Variants in NALF1 observed in about 807,000 individuals in gnomAD.
The protein encoded by NALF1 is family with sequence similarity 155 member A.
A neutral mutation model predicts 48.4 loss-of-function variants in NALF1; 3 were observed. The observed-to-expected ratio is 0.06, with a 90% CI of 0.03 to 0.16. The LOEUF (loss-of-function observed/expected upper bound fraction) is 0.16, where lower values mean the gene tolerates loss of function less well. Ranked by LOEUF, NALF1 falls within the 10% of genes least tolerant of loss-of-function variation. The probability of loss-of-function intolerance (pLI) is 1.00; values close to 1 mark genes in which losing one functional copy is unlikely to be tolerated. For synonymous variants in NALF1, 262 were observed against 245.7 expected (o/e 1.07, Z -0.62); for missense variants, 526 against 571.5 (o/e 0.92, Z 0.81).
At chr13:107,586,828 T>C (rs751683088) in intron 1 of NALF1, among the ~76,000 whole-genome samples, 2 of 151,724 alleles carry the variant, frequency 1.3e-5, no homozygotes, top group Non-Finnish European at 2.9e-5. Flanking sequence ...AAAAAATGGA[T>C]GAGCATTAAA....
At chr13:107,753,123 C>CCT (rs1051912526) in intron 1 of NALF1, among the ~76,000 whole-genome samples, 2 of 152,192 alleles carry the variant, frequency 1.3e-5, no homozygotes, top group African/African-American at 4.8e-5. Context: ...TCCCTGCTTT[C>CCT]CTCTCTAATG....
intron 1 of NALF1, among the ~76,000 whole-genome samples, chr13:107,697,984 A>G (rs938271864): frequency 6.6e-6 from 1 of 152,138 alleles, no homozygotes; most frequent in Non-Finnish European, 1.5e-5. Context: ...CATGCAACTG[A>G]ATTATATACA....
At chr13:107,496,194 G>C (rs1290476738) in intron 1 of NALF1, among the ~76,000 whole-genome samples, 3 of 152,076 alleles carry the variant, frequency 2.0e-5, no homozygotes, top group South Asian at 2.1e-4. Context: ...CCCTGAGAAA[G>C]AGCAATTTGA....
At chr13:107,533,501 G>T (rs866771445) in intron 1 of NALF1, among the ~76,000 whole-genome samples, 115 of 152,060 alleles carry the variant, frequency 7.6e-4, no homozygotes, top group African/African-American at 2.7e-3. Context: ...GAACATGCCT[G>T]CACCTTGATC....
At chr13:107,308,151 G>C (rs1881973629) in intron 1 of NALF1, among the ~76,000 whole-genome samples, 1 of 149,958 alleles carries the variant, frequency 6.7e-6, no homozygotes, top group South Asian at 2.1e-4. Flanking sequence ...GAAATCACTG[G>C]AAATCTCATT....
chr13:107,757,937 T>C (rs1229166511), intron 1 of NALF1, among the ~76,000 whole-genome samples: 5 of 152,188 alleles, frequency 3.3e-5, no homozygotes, highest in East Asian at 1.9e-4. Context: ...ATTTTGAACA[T>C]TATAAATTGT....
intron 1 of NALF1, among the ~76,000 whole-genome samples, chr13:107,767,773 A>G (rs986779907): frequency 2.0e-5 from 3 of 152,140 alleles, no homozygotes; most frequent in Non-Finnish European, 4.4e-5. Flanking sequence ...TGCCCTTTTT[A>G]TAACAGAATT....
intron 1 of NALF1, among the ~76,000 whole-genome samples, chr13:107,473,456 G>A (rs1375655103): frequency 2.0e-5 from 3 of 151,986 alleles, no homozygotes; most frequent in Admixed American, 6.6e-5. Context: ...AAAACGCAAG[G>A]TCAGCATTTT....
At chr13:107,705,149 G>A (rs1395377048) in intron 1 of NALF1, among the ~76,000 whole-genome samples, 1 of 152,122 alleles carries the variant, frequency 6.6e-6, no homozygotes, top group Non-Finnish European at 1.5e-5. Flanking sequence ...TACTTCCCAA[G>A]ACAGACAGAT....
At chr13:107,440,835 G>C (rs560815495) in intron 1 of NALF1, among the ~76,000 whole-genome samples, 1 of 152,084 alleles carries the variant, frequency 6.6e-6, no homozygotes, top group Admixed American at 6.5e-5. Flanking sequence ...TGTCCAAGGA[G>C]CTCCTTCAGA....
chr13:107,866,216 C>A lies in NALF1; in HGVS notation c.381G>T (p.Ser127=), dbSNP rs762728677. ...CCGGGGAGGGGGGCAGGGTGGGGGA[C>A]GAGGAGGCGGAGAGGAGTCTGTGTG... The part of the protein sequence containing the change: ...AQAHRLLSAS[S]SPTLPPSPGD... The change falls in exon 1 of 3, where the codon TCG becomes TCT. Residue 127 remains serine, a synonymous_variant. Transcript: ENST00000375915. The surrounding 1 kb of genome is among the most constrained non-coding windows in gnomAD (Gnocchi z 4.4). 1 of 1,596,532 alleles carries A rather than the reference C, an allele frequency of 6.3e-7. No homozygotes were observed. Among genetic ancestry groups the A allele is most frequent in the East Asian group, 2.2e-5 (1 of 44,684 alleles).
intron 1 of NALF1, among the ~76,000 whole-genome samples, chr13:107,614,795 G>A (rs935051183): frequency 2.1e-5 from 2 of 96,814 alleles, no homozygotes; most frequent in African/African-American, 8.0e-5. Flanking sequence ...TTCTTTTTTT[G>A]AAGACAGAGT....
In NALF1 at chr13:107,350,430, G is replaced by A. The variant is rs114606404; in HGVS notation, c.916-139675C>T. ...TATTCTTTTTAAGAGTTAACAAAAA[G>A]TAGTTCCTCACACAGCAATAAACCC... On this transcript the variant is annotated intron_variant, in intron 1 of 2. Coordinates refer to ENST00000375915, the MANE Select transcript of NALF1 (RefSeq NM_001080396.3). 2.0e-3 allele frequency among the ~76,000 whole-genome samples: 299 copies of A among 152,326 alleles called. 1 individual carries two copies. The highest frequency in any genetic ancestry group is 7.0e-3 in the African/African-American group (290 of 41,578).
At chr13:107,288,955 A>C (rs565087926) in intron 1 of NALF1, among the ~76,000 whole-genome samples, 260 of 152,232 alleles carry the variant, frequency 1.7e-3, no homozygotes, top group Admixed American at 2.7e-3. Flanking sequence ...TAGTAAGTCC[A>C]TCAGATAAGA....
intron 1 of NALF1, among the ~76,000 whole-genome samples, chr13:107,460,503 T>C (rs181805452): frequency 5.3e-5 from 8 of 152,376 alleles, no homozygotes; most frequent in Admixed American, 2.0e-4. Context: ...TTTTGTTCTA[T>C]AAAAGATGTT....
intron 1 of NALF1, among the ~76,000 whole-genome samples, chr13:107,811,652 T>G (rs1394874010): frequency 1.3e-5 from 2 of 152,216 alleles, no homozygotes; most frequent in African/African-American, 4.8e-5. Flanking sequence ...TCTGCTGCTA[T>G]AGCAGAATGC....
At chr13:107,340,219 C>A (rs1045216321) in intron 1 of NALF1, among the ~76,000 whole-genome samples, 8 of 150,356 alleles carry the variant, frequency 5.3e-5, no homozygotes, top group Non-Finnish European at 1.2e-4. Flanking sequence ...CGGCTCACTG[C>A]AACCTCTGCC....
At chr13:107,817,345 A>G (rs1258342686) in intron 1 of NALF1, among the ~76,000 whole-genome samples, 1 of 152,240 alleles carries the variant, frequency 6.6e-6, no homozygotes, top group African/African-American at 2.4e-5. Context: ...TCCTTGTGCT[A>G]CTTAGAATGA....
At chr13:107,276,145 G>A (rs1334799736) in intron 1 of NALF1, among the ~76,000 whole-genome samples, 1 of 152,122 alleles carries the variant, frequency 6.6e-6, no homozygotes, top group Non-Finnish European at 1.5e-5. Flanking sequence ...CATTAGAAAT[G>A]AGTCAGTAAG....
Sources: gnomAD v4.1 joint callset for allele counts (sites outside exome capture counted in the v4.1 genomes callset) on GRCh38, gnomAD v4.1.1 for gene constraint, Gnocchi (gnomAD v3.1) non-coding constraint, MANE v1.5 for transcripts, NCBI Gene and HGNC (gene_info 2026-07-23, HGNC 2026-07-21) for gene names.